The following PRODH variants were observed in gnomAD, a reference collection of about 807,000 sequenced individuals.
The protein encoded by PRODH is proline dehydrogenase 1, mitochondrial.
For synonymous variants in PRODH, 3 were observed against 10.4 expected (o/e 0.29, Z 1.37); for missense variants, 3 against 24.1 (o/e 0.12, Z 1.83).
rs1187490611 is a variant in PRODH, at chr22:18,913,562, C to T, written c.1527-36G>A. The T allele has an allele frequency of 1.7e-5, 3 of 176,662 alleles. 1 individual carries two copies. The highest frequency in any genetic ancestry group is 1.1e-4 in the African/African-American group (3 of 26,228). 10.9% of individuals were successfully genotyped at this position (176,662 alleles called of 1,614,324 possible). A position where few individuals can be genotyped will look rare whatever the true frequency, so the allele number is the denominator to read the frequency against. ...GAAGCCAGGAACTGAGGGCCAGTTC[C>T]AGGACACTGTCCCCAGTGCAGGGAT... On this transcript the variant is annotated intron_variant, in intron 12 of 13. Coordinates refer to ENST00000357068, the MANE Select transcript of PRODH (RefSeq NM_016335.6).
At chr22:18,928,222 C>T (rs2081981588) in intron 2 of PRODH, among the ~76,000 whole-genome samples, 1 of 129,868 alleles carries the variant, frequency 7.7e-6, no homozygotes, top group African/African-American at 2.5e-5. Flanking sequence ...GGACCTGCCT[C>T]GTGCTCCCCC....
At position 18,914,465 on chromosome 22, in the gene PRODH, G is replaced by A. The variant is rs750562509; in HGVS notation, c.1527-939C>T. On this transcript the variant is annotated intron_variant, in intron 12 of 13. Transcript: ENST00000357068. ...TACTATATCCAGGTATCCCGACTTCGCTGGTCTGCAAAGCACTGGGGTCCC... is the reference window on the plus strand; with the variant it reads ...TACTATATCCAGGTATCCCGACTTCACTGGTCTGCAAAGCACTGGGGTCCC... The A allele has an allele frequency of 1.0e-4, 2 of 19,806 alleles. 1 individual carries two copies. Among genetic ancestry groups the A allele is most frequent in the Non-Finnish European group, 3.9e-4 (2 of 5,140 alleles). 1.2% of individuals were successfully genotyped at this position (19,806 alleles called of 1,614,324 possible). A position where few individuals can be genotyped will look rare whatever the true frequency, so the allele number is the denominator to read the frequency against.
rs201627713 is a variant in PRODH, at chr22:18,918,410, C to T, written c.1333G>A (p.Ala445Thr). 1.4e-5 allele frequency: 3 copies of T among 209,684 alleles called. 1 individual carries two copies. Among genetic ancestry groups the T allele is most frequent in the Admixed American group, 9.6e-5 (1 of 10,400 alleles). The allele number at this position is 209,684 out of a possible 1,614,324, so 13.0% of individuals were successfully genotyped here. A position where few individuals can be genotyped will look rare whatever the true frequency, so the allele number is the denominator to read the frequency against. Reference protein sequence around the residue: ...WCFGAKLVRGAYLAQERARAA... With the variant: ...WCFGAKLVRGTYLAQERARAA... ...CGGGCTCGCTCCTGGGCCAGGTATG[C>T]GCCCCGCACCAGCTTGGCCCCAAAA... The change falls in exon 11 of 14, where the codon GCA (alanine) becomes ACA (threonine). Residue 445 changes from alanine (A) to threonine (T), a missense_variant. Coordinates refer to ENST00000357068, the MANE Select transcript of PRODH (RefSeq NM_016335.6).
At position 18,918,346 on chromosome 22, in the gene PRODH, G is replaced by A. The variant is rs2870984; in HGVS notation, c.1397C>T (p.Thr466Met). 1,033 of 221,040 alleles carry A rather than the reference G, an allele frequency of 4.7e-3. 27 individuals are homozygous for A. Among genetic ancestry groups the A allele is most frequent in the East Asian group, 0.017 (419 of 24,606 alleles). 13.7% of individuals were successfully genotyped at this position (221,040 alleles called of 1,614,324 possible). A position where few individuals can be genotyped will look rare whatever the true frequency, so the allele number is the denominator to read the frequency against. The part of the protein sequence containing the change: ...EIGYEDPINP[T>M]YEATNAMYHR... Reference sequence around the variant, plus strand: ...GTACATGGCGTTGGTGGCCTCGTACGTGGGGTTGATGGGGTCCTCATAGCC... The same window carrying A: ...GTACATGGCGTTGGTGGCCTCGTACATGGGGTTGATGGGGTCCTCATAGCC... Residue 466 changes from threonine (T) to methionine (M), a missense_variant, in exon 11 of 14, where the codon ACG becomes ATG. Thr to Met is a moderately conservative substitution (Grantham distance 81). Coordinates refer to ENST00000357068, the MANE Select transcript of PRODH (RefSeq NM_016335.6).
intron 2 of PRODH, among the ~76,000 whole-genome samples, chr22:18,926,198 C>CCCGCACAGCCAGCCCTGCAGTCCCGG (rs2081975746): frequency 1.3e-5 from 1 of 79,204 alleles, no homozygotes; most frequent in African/African-American, 3.6e-5. Flanking sequence ...GGCTCCTGCC[C>CCCGCACAGCCAGCCCTGCAGTCCCGG]CCGCACAGCC....
In PRODH at chr22:18,916,867, G is replaced by A. The variant is rs774813411; in HGVS notation, c.1526+23C>T. 1.5e-5 allele frequency: 3 copies of A among 202,000 alleles called. 1 individual carries two copies. Among genetic ancestry groups the A allele is most frequent in the African/African-American group, 2.7e-5 (1 of 37,512 alleles). 12.5% of individuals were successfully genotyped at this position (202,000 alleles called of 1,614,324 possible). A position where few individuals can be genotyped will look rare whatever the true frequency, so the allele number is the denominator to read the frequency against. On this transcript the variant is annotated intron_variant, in intron 12 of 13. Coordinates refer to ENST00000357068, the MANE Select transcript of PRODH (RefSeq NM_016335.6). ...AGACAACGGCTCAGGTTGGGGTTTC[G>A]GTGCAGGGTGGGGCACACCTACCTG...
In PRODH at chr22:18,918,177, A is replaced by G. The variant is rs1287470841; in HGVS notation, c.1427+139T>C. ...CTTAATGCTTTTGAAAAAGTAACAC[A>G]TGACATAAAAGCTGAGGAAATACCA... On this transcript the variant is annotated intron_variant, in intron 11 of 13. Transcript: ENST00000357068. 8 of 323,550 alleles carry G rather than the reference A, an allele frequency of 2.5e-5. 1 individual carries two copies. The highest frequency in any genetic ancestry group is 1.5e-4 in the Admixed American group (3 of 20,210). The allele number at this position is 323,550 out of a possible 1,614,324, so 20.0% of individuals were successfully genotyped here. A position where few individuals can be genotyped will look rare whatever the true frequency, so the allele number is the denominator to read the frequency against.
At position 18,914,136 on chromosome 22, in the gene PRODH, AAAT is replaced by A. The variant is rs1326152093; in HGVS notation, c.1527-613_1527-611del. ...ACGGGATTTAGGAGACTTTGTAGAA[AAAT>A]AATGCACGATGCCGCGTTGCTTTTC... On this transcript the variant is annotated intron_variant, in intron 12 of 13. Coordinates refer to ENST00000357068, the MANE Select transcript of PRODH (RefSeq NM_016335.6). 2.3e-3 allele frequency: 81 copies of A among 35,512 alleles called. 17 individuals carry two copies. The highest frequency in any genetic ancestry group is 3.7e-3 in the African/African-American group (77 of 20,738). The allele number at this position is 35,512 out of a possible 1,614,324, so 2.2% of individuals were successfully genotyped here.
rs762094672 is a variant in PRODH, at chr22:18,918,392, G to A, written c.1351C>T (p.Arg451Ter). 4 of 227,308 alleles carry A rather than the reference G, an allele frequency of 1.8e-5. No individual in the cohort carries two copies. The highest frequency in any genetic ancestry group is 1.7e-4 in the South Asian group (4 of 22,908). The allele number at this position is 227,308 out of a possible 1,614,324, so 14.1% of individuals were successfully genotyped here. Residue 451 changes from arginine (R) to a stop codon, truncating the protein, a stop_gained, in exon 11 of 14, where the codon CGA becomes TGA. Transcript: ENST00000357068. LOFTEE classifies it high-confidence loss of function. ...TAGCCGATCTCTGCCGCACGGGCTC[G>A]CTCCTGGGCCAGGTATGCGCCCCGC... Reference protein sequence around the residue: ...LVRGAYLAQERARAAEIGYED... With the variant: ...LVRGAYLAQE
chr22:18,917,352 C>T lies in PRODH; in HGVS notation c.1428-364G>A, dbSNP rs1601415285. Among the ~76,000 whole-genome samples, 2 of 35,598 alleles carry T rather than the reference C, an allele frequency of 5.6e-5. 1 individual carries two copies. Among genetic ancestry groups the T allele is most frequent in the African/African-American group, 9.5e-5 (2 of 21,104 alleles). 23.4% of individuals were successfully genotyped at this position (35,598 alleles called of 152,430 possible). On this transcript the variant is annotated intron_variant, in intron 11 of 13. Coordinates refer to ENST00000357068, the MANE Select transcript of PRODH (RefSeq NM_016335.6). ...CTGGGGAGGGATCGTACAGTGCACC[C>T]CTGGCCCTGCAAGGAAATAAAAGGG...
rs1333914375 is a variant in PRODH, at chr22:18,917,793, G to A, written c.1427+523C>T. On this transcript the variant is annotated intron_variant, in intron 11 of 13. Coordinates refer to ENST00000357068, the MANE Select transcript of PRODH (RefSeq NM_016335.6). ...AAAAAACAATGGCGGAGATGTGTGC[G>A]CTGTGGCACGACATGCACAGCGGCT... Among the ~76,000 whole-genome samples, 9 of 31,870 alleles carry A rather than the reference G, an allele frequency of 2.8e-4. 4 individuals are homozygous for A. The East Asian group carries it at 7.9e-3, about 28-fold the overall frequency. 20.9% of individuals were successfully genotyped at this position (31,870 alleles called of 152,430 possible).
At chr22:18,918,175 A>T in intron 11 of PRODH, 141 bp downstream of exon 11, 1 of 328,254 alleles carries the variant, frequency 3.0e-6, no homozygotes, top group Non-Finnish European at 6.2e-6. Context: ...AAAAAGTAAC[A>T]CATGACATAA....
In PRODH at chr22:18,916,986, C is replaced by T. The variant is rs781182931; in HGVS notation, c.1430G>A (p.Cys477Tyr). 2 of 174,284 alleles carry T rather than the reference C, an allele frequency of 1.1e-5. 1 individual carries two copies. The highest frequency in any genetic ancestry group is 5.7e-5 in the African/African-American group (2 of 35,298). 10.8% of individuals were successfully genotyped at this position (174,284 alleles called of 1,614,324 possible). A position where few individuals can be genotyped will look rare whatever the true frequency, so the allele number is the denominator to read the frequency against. The change falls in exon 12 of 14, where the codon TGC (cysteine) becomes TAC (tyrosine). Residue 477 changes from cysteine (C) to tyrosine (Y), a missense_variant and splice_region_variant. Physicochemically the swap from Cys to Tyr is radical, Grantham distance 194. Transcript: ENST00000357068. The part of the protein sequence containing the change: ...YEATNAMYHR[C>Y]LDYVLEELKH... The stretch of plus-strand genomic sequence containing the variant: ...CAGCTCCTCCAACACGTAGTCCAGG[C>T]ACCTGTGGAGAGTGCCATGTGAGCC...
intron 2 of PRODH, among the ~76,000 whole-genome samples, chr22:18,929,450 CTT>C (rs2146218254): frequency 8.6e-6 from 1 of 116,728 alleles, no homozygotes; most frequent in Non-Finnish European, 2.1e-5. Flanking sequence ...GGAAAGGAGT[CTT>C]TTCATACCAG....
chr22:18,919,139 A>G, intron 10 of PRODH, among the ~76,000 whole-genome samples: 1 of 55,518 alleles, frequency 1.8e-5, no homozygotes, highest in Admixed American at 1.9e-4. Flanking sequence ...ACCAGGGGAG[A>G]GGTTGCGGGC....
At position 18,918,044 on chromosome 22, in the gene PRODH, G is replaced by A. The variant is rs142505244; in HGVS notation, c.1427+272C>T. 7.8e-3 allele frequency among the ~76,000 whole-genome samples: 813 copies of A among 104,160 alleles called. 51 individuals are homozygous for A. Among genetic ancestry groups the A allele is most frequent in the African/African-American group, 0.019 (627 of 32,692 alleles). The allele number at this position is 104,160 out of a possible 152,430, so 68.3% of individuals were successfully genotyped here. On this transcript the variant is annotated intron_variant, in intron 11 of 13. Transcript: ENST00000357068. ...TGAGCCTGCAGGGTGGGGAGGACCGGGTGTTCATGCACATCTCTGGATCTA... is the reference window on the plus strand; with the variant it reads ...TGAGCCTGCAGGGTGGGGAGGACCGAGTGTTCATGCACATCTCTGGATCTA...
intron 11 of PRODH, among the ~76,000 whole-genome samples, chr22:18,918,041 C>A (rs534682674): frequency 1.5e-4 from 15 of 101,050 alleles, no homozygotes; most frequent in African/African-American, 4.4e-4. Context: ...GTGGGGAGGA[C>A]CGGGTGTTCA....
intron 1 of PRODH, among the ~76,000 whole-genome samples, chr22:18,933,975 AG>A (rs1430996796): frequency 7.7e-5 from 2 of 26,100 alleles, no homozygotes; most frequent in African/African-American, 2.1e-4. Flanking sequence ...CCCCCCACTC[AG>A]GGAACCACTG....
At position 18,928,820 on chromosome 22, in the gene PRODH, C is replaced by CG. The variant is rs894437860; in HGVS notation, c.482+2169_482+2170insC. 5.0e-4 allele frequency among the ~76,000 whole-genome samples: 4 copies of CG among 8,030 alleles called. 2 individuals carry two copies. The African/African-American group carries it at 6.2e-3, about 12-fold the overall frequency. 5.3% of individuals were successfully genotyped at this position (8,030 alleles called of 152,430 possible). ...CTCTGGGAAGCATGGTCCACCCCCC[C>CG]CCCGGGTGGGCATTGCCCTCCTGCA... On this transcript the variant is annotated intron_variant, in intron 2 of 13. Transcript: ENST00000357068.
Sources: gnomAD v4.1 joint callset for allele counts (sites outside exome capture counted in the v4.1 genomes callset) on GRCh38, gnomAD v4.1.1 for gene constraint, MANE v1.5 for transcripts, NCBI Gene and HGNC (gene_info 2026-07-23, HGNC 2026-07-21) for gene names.